DPP6: variants seen among roughly 807,000 people sequenced by gnomAD.
The protein encoded by DPP6 is dipeptidyl peptidase like 6.
In DPP6, 69 loss-of-function variants were observed where a neutral mutation model predicts 122.6. The ratio of observed to expected loss-of-function variants is 0.56; its 90% CI spans 0.46 to 0.69. The LOEUF (loss-of-function observed/expected upper bound fraction) is 0.69, where lower values mean the gene tolerates loss of function less well. Among genes scored for constraint, DPP6 ranks in the 30% least tolerant of loss-of-function variants. The probability of loss-of-function intolerance (pLI) is 0.00; values close to 1 mark genes in which losing one functional copy is unlikely to be tolerated. For missense variants in DPP6, 928 were observed against 1,116.9 expected (o/e 0.83, Z 2.41); for synonymous variants, 418 against 433.1 (o/e 0.97, Z 0.43).
At chr7:153,861,329 A>C in the DPP6 span, among the ~76,000 whole-genome samples, 1 of 152,246 alleles carries the variant, frequency 6.6e-6, no homozygotes, top group African/African-American at 2.4e-5. Flanking sequence ...AACTTTCTGC[A>C]TAGCTACACT....
At chr7:154,480,874 C>A (rs1823209722) in intron 3 of DPP6, among the ~76,000 whole-genome samples, 1 of 152,156 alleles carries the variant, frequency 6.6e-6, no homozygotes, top group Non-Finnish European at 1.5e-5. Flanking sequence ...ATTTGTAGAA[C>A]AAGCTAAGGA....
chr7:154,554,842 A>G (rs1586615859), intron 4 of DPP6, among the ~76,000 whole-genome samples: 2 of 152,222 alleles, frequency 1.3e-5, no homozygotes, highest in African/African-American at 4.8e-5. Flanking sequence ...TTACAACAGC[A>G]TTTAAATATC....
intron 1 of DPP6, among the ~76,000 whole-genome samples, chr7:153,890,978 G>T (rs1799171237): frequency 6.9e-6 from 1 of 145,752 alleles, no homozygotes; most frequent in Non-Finnish European, 1.5e-5. Flanking sequence ...GATTACAGGT[G>T]TGAGCCACCA....
intron 1 of DPP6, among the ~76,000 whole-genome samples, chr7:154,262,215 A>T (rs1424438298): frequency 1.3e-5 from 2 of 152,152 alleles, no homozygotes; most frequent in African/African-American, 4.8e-5. Flanking sequence ...GATGACTGGG[A>T]GGGCGGAGTG....
chr7:154,758,957 G>A (rs113365756), intron 8 of DPP6, among the ~76,000 whole-genome samples: 5 of 152,178 alleles, frequency 3.3e-5, no homozygotes, highest in Non-Finnish European at 7.3e-5. Flanking sequence ...GGACCCAGGC[G>A]TTTGTCTATG....
intron 6 of DPP6, among the ~76,000 whole-genome samples, chr7:154,656,596 G>C (rs1837266995): frequency 6.6e-6 from 1 of 152,226 alleles, no homozygotes; most frequent in Non-Finnish European, 1.5e-5. Context: ...ATTGCAGTGG[G>C]TTAGGGACAG....
At chr7:154,445,503 C>G (rs1819784493) in intron 1 of DPP6, among the ~76,000 whole-genome samples, 1 of 152,134 alleles carries the variant, frequency 6.6e-6, no homozygotes, top group African/African-American at 2.4e-5. Context: ...CTTTAGCACC[C>G]TTTAGCAGTG....
intron 1 of DPP6, among the ~76,000 whole-genome samples, chr7:153,956,113 G>T (rs1005810434): frequency 1.3e-5 from 2 of 152,214 alleles, no homozygotes; most frequent in Non-Finnish European, 2.9e-5. Flanking sequence ...CGAGCCAAGG[G>T]TAGACCCAAT....
chr7:154,681,588 C>A (rs1054048243), intron 7 of DPP6, among the ~76,000 whole-genome samples: 2 of 152,030 alleles, frequency 1.3e-5, no homozygotes, highest in Non-Finnish European at 2.9e-5. Context: ...CCGGTCGCCT[C>A]GGGTAGGGCG....
intron 3 of DPP6, among the ~76,000 whole-genome samples, chr7:154,507,092 T>C (rs1825722863): frequency 6.6e-6 from 1 of 152,172 alleles, no homozygotes; most frequent in African/African-American, 2.4e-5. Context: ...CATTTTTTCT[T>C]TGATGGCCAT....
rs1339207323 is a variant in DPP6 at position 154,875,336 on chromosome 7, A to T, written c.1884-570A>T. 6.6e-6 allele frequency among the ~76,000 whole-genome samples: 1 copy of T among 152,210 alleles called. No homozygotes were observed. The highest frequency in any genetic ancestry group is 2.4e-5 in the African/African-American group (1 of 41,444). ...AGAGCACAGTGGGAGCCGCCAGCCC[A>T]GGTCGGAGGCCACACTGCCCAGAGC... On this transcript the variant is annotated intron_variant, in intron 19 of 25. Transcript: ENST00000377770. This position sits in a 1 kb window ranked among gnomAD's most constrained non-coding sequence, Gnocchi z 4.5.
At chr7:154,158,643 G>A (rs1372411178) in intron 1 of DPP6, among the ~76,000 whole-genome samples, 1 of 151,848 alleles carries the variant, frequency 6.6e-6, no homozygotes, top group Non-Finnish European at 1.5e-5. Flanking sequence ...ATTCCTCAAA[G>A]GTCTGGTGGT....
At chr7:153,765,990 T>G in the DPP6 span, among the ~76,000 whole-genome samples, 1 of 152,220 alleles carries the variant, frequency 6.6e-6, no homozygotes, top group African/African-American at 2.4e-5. Context: ...GATTCTGCAT[T>G]TCTTACAAAG....
the DPP6 span, among the ~76,000 whole-genome samples, chr7:153,756,675 G>A: frequency 1.3e-4 from 20 of 151,928 alleles, no homozygotes; most frequent in Admixed American, 3.3e-4. Context: ...AAGAGTACCC[G>A]TGTAAATATA....
the DPP6 span, among the ~76,000 whole-genome samples, chr7:153,857,322 T>TTCTCTCTCTCTCTCTCTCTCTC: frequency 8.6e-3 from 1,066 of 124,384 alleles, 41 homozygotes; most frequent in Non-Finnish European, 0.01. Flanking sequence ...CTCAAAGGTT[T>TTCTCTCTCTCTCTCTCTCTCTC]TCTCTCTCTC....
chr7:154,570,867 T>A (rs1232316434), intron 5 of DPP6, among the ~76,000 whole-genome samples: 1 of 152,186 alleles, frequency 6.6e-6, no homozygotes. Flanking sequence ...AATTTTCCAC[T>A]TTTTCAAGCC....
chr7:153,893,307 A>G (rs1799283667), intron 1 of DPP6, among the ~76,000 whole-genome samples: 1 of 152,322 alleles, frequency 6.6e-6, no homozygotes, highest in African/African-American at 2.4e-5. Context: ...CAATACTGCT[A>G]ACTTGATCAT....
At position 154,438,831 on chromosome 7, in the gene DPP6, T is replaced by G. The variant is rs180987070; in HGVS notation, c.244-7383T>G. ...CAGCCAAGAACGACTTGGAATATTTTAATCTCACACCACAAATCCTGGAGC... is the reference window on the plus strand; with the variant it reads ...CAGCCAAGAACGACTTGGAATATTTGAATCTCACACCACAAATCCTGGAGC... On this transcript the variant is annotated intron_variant, in intron 1 of 25. Transcript: ENST00000377770. Among the ~76,000 whole-genome samples the G allele has an allele frequency of 7.9e-4, 121 of 152,306 alleles. No homozygotes were observed. The Middle Eastern group carries it at 0.014, about 17-fold the overall frequency.
intron 1 of DPP6, among the ~76,000 whole-genome samples, chr7:153,962,791 C>A (rs1795421619): frequency 6.6e-6 from 1 of 152,186 alleles, no homozygotes; most frequent in Non-Finnish European, 1.5e-5. Context: ...ACCACCTTCC[C>A]ACCCCACAAA....
Sources: allele counts gnomAD v4.1 joint callset (sites outside exome capture counted in the v4.1 genomes callset), GRCh38; gene constraint gnomAD v4.1.1; non-coding constraint Gnocchi (gnomAD v3.1); transcripts MANE v1.5; gene names NCBI Gene and HGNC (gene_info 2026-07-23, HGNC 2026-07-21).